LAMA5: variants seen among roughly 807,000 people sequenced by gnomAD.
The protein encoded by LAMA5 is laminin subunit alpha-5.
Under a neutral mutation model 433.4 loss-of-function variants are expected in LAMA5, and 260 were observed. The observed-to-expected ratio is 0.60, with a 90% confidence interval of 0.54 to 0.66. The LOEUF is 0.66. LAMA5 is among the 30% of genes least tolerant of loss of function. LAMA5 has a pLI of 0.00. For synonymous variants in LAMA5, 2,620 were observed against 2,226.6 expected (o/e 1.18, Z -4.97); for missense variants, 5,378 against 5,258.5 (o/e 1.02, Z -0.70).
chr20:62,319,028 T>C lies in LAMA5; in HGVS notation c.6872-15A>G, dbSNP rs765278471. Reference sequence around the variant, plus strand: ...GGACATGAGCTCTGTGGGGCAGGGGTTCGTCAGAGCCTGGGGCCGCCCGTA... The same window carrying C: ...GGACATGAGCTCTGTGGGGCAGGGGCTCGTCAGAGCCTGGGGCCGCCCGTA... On this transcript the variant is annotated splice_polypyrimidine_tract_variant and intron_variant, in intron 51 of 79. Transcript: ENST00000252999. 4 of 1,548,540 alleles carry C rather than the reference T, an allele frequency of 2.6e-6. No homozygotes were observed. Among genetic ancestry groups the C allele is most frequent in the South Asian group, 2.4e-5 (2 of 83,700 alleles).
chr20:62,319,565 C>T (rs1987439293), intron 51 of LAMA5, 119 bp downstream of exon 51: 2 of 694,330 alleles, frequency 2.9e-6, no homozygotes, highest in Admixed American at 2.5e-5. Context: ...GGCGTCGTCT[C>T]CCATCTAAAA....
At chr20:62,315,007 C>T (rs1568901038) in intron 59 of LAMA5, 21 bp downstream of exon 59, 2 of 1,578,892 alleles carry the variant, frequency 1.3e-6, no homozygotes, top group Non-Finnish European at 1.7e-6. Flanking sequence ...ATCAGGGGCA[C>T]CGCGAGGGCC....
chr20:62,330,336 C>T (rs772740243), intron 31 of LAMA5, 152 bp downstream of exon 31: 210 of 1,163,152 alleles, frequency 1.8e-4, no homozygotes, highest in Non-Finnish European at 2.2e-4. Context: ...GTAGGGGCTG[C>T]GGGCTGCAAG....
chr20:62,348,799 G>A (rs1983754062), intron 6 of LAMA5, among the ~76,000 whole-genome samples: 1 of 152,086 alleles, frequency 6.6e-6, no homozygotes, highest in South Asian at 2.1e-4. Context: ...TTAGTGAAGT[G>A]GAAGAGGAGC....
At chr20:62,339,401 C>T (rs4925377) in intron 11 of LAMA5, among the ~76,000 whole-genome samples, 2 of 151,994 alleles carry the variant, frequency 1.3e-5, no homozygotes, top group African/African-American at 2.4e-5. Context: ...CCACGCCCGG[C>T]TAATTTTTGT....
At position 62,327,604 on chromosome 20, in the gene LAMA5, G is replaced by A. The variant is rs1398553678; in HGVS notation, c.4863C>T (p.Asn1621=). The A allele has an allele frequency of 3.1e-6, 5 of 1,613,076 alleles. No individual in the cohort carries two copies. Among genetic ancestry groups the A allele is most frequent in the Non-Finnish European group, 4.2e-6 (5 of 1,180,024 alleles). Residue 1621 remains asparagine (N), a synonymous_variant, in exon 37 of 80, where the codon AAC becomes AAT. Transcript: ENST00000252999. The part of the protein sequence containing the change: ...SLGTFSLDAA[N]PKGCTRCFCF... ...AGAAGCAGCGGGTGCAACCTTTGGG[G>A]TTGGCAGCATCCAGTGAGAAGGTCC...
At chr20:62,309,646 A>AGGGGGT in intron 79 of LAMA5, 70 bp downstream of exon 79, 12 of 271,116 alleles carry the variant, frequency 4.4e-5, no homozygotes, top group Non-Finnish European at 6.7e-5. Flanking sequence ...GGGTGGGGGG[A>AGGGGGT]GGGTGGTAGG....
rs147183908 is a variant in LAMA5, at chr20:62,313,160, G to C, written c.8883C>G (p.Ser2961Arg). 6.2e-7 allele frequency: 1 copy of C among 1,601,396 alleles called. No individual in the cohort carries two copies. Among genetic ancestry groups the C allele is most frequent in the East Asian group, 2.2e-5 (1 of 44,446 alleles). ...GCTCCTGCTCGAAGCGCTTGGTGGT[G>C]CTGATCTGACTGTCGAAGCTGATGC... ...FARISFDSQI[S>R]TTKRFEQELR... The change falls in exon 65 of 80, where the codon AGC becomes AGG. Residue 2961 changes from serine to arginine, a missense_variant. Ser to Arg is a moderately radical substitution (Grantham distance 110). Coordinates refer to ENST00000252999, the MANE Select transcript of LAMA5 (RefSeq NM_005560.6).
At position 62,327,997 on chromosome 20, in the gene LAMA5, C is replaced by T. The variant is rs760311267; in HGVS notation, c.4666G>A (p.Val1556Met). The T allele has an allele frequency of 7.4e-6, 12 of 1,611,846 alleles. 1 individual carries two copies. The highest frequency in any genetic ancestry group is 5.0e-5 in the Admixed American group (3 of 59,986). The change falls in exon 36 of 80, where the codon GTG becomes ATG. Residue 1556 changes from valine (V) to methionine (M), a missense_variant. Transcript: ENST00000252999. ...DSGQCKCRPN[V>M]TGRRCDTCSP... ...CAGGTATCACAGCGGCGCCCAGTCA[C>T]GTTGGGTCTGCACCTGTGGCAGGGG...
chr20:62,333,040 G>A (rs759337786), intron 26 of LAMA5, 50 bp downstream of exon 26: 1 of 1,425,358 alleles, frequency 7.0e-7, no homozygotes, highest in African/African-American at 1.5e-5. Context: ...CCAGCCCCCA[G>A]GCCAAGGTCC....
chr20:62,330,043 C>A (rs1268638349), intron 31 of LAMA5, 127 bp from the exon 32 acceptor site: 5 of 1,358,986 alleles, frequency 3.7e-6, no homozygotes, highest in South Asian at 2.9e-5. Context: ...AGGCACGGGA[C>A]GTGCCCAAGA....
intron 31 of LAMA5, among the ~76,000 whole-genome samples, 164 bp downstream of exon 31, chr20:62,330,324 G>C (rs886730811): frequency 6.6e-6 from 1 of 152,242 alleles, no homozygotes; most frequent in Non-Finnish European, 1.5e-5. Flanking sequence ...GGGAGCGGGC[G>C]GGTAGGGGCT....
rs575784822 is a variant in LAMA5, at chr20:62,357,342, C to T, written c.451-4091G>A. Among the ~76,000 whole-genome samples the T allele has an allele frequency of 7.9e-5, 12 of 152,294 alleles. No individual in the cohort carries two copies. In the East Asian group the frequency reaches 1.5e-3, roughly 20 times the overall value. ...AAAGCCCCTCCTAGCCCCAGGCGTC[C>T]GGGCCAGCACCCTGATCGCACTGCT... is the stretch of plus-strand genomic sequence containing the variant. On this transcript the variant is annotated intron_variant, in intron 2 of 79. Transcript: ENST00000252999.
chr20:62,310,090 G>A lies in LAMA5; in HGVS notation c.10735-9C>T, dbSNP rs1601263497. The A allele has an allele frequency of 6.2e-7, 1 of 1,611,028 alleles. No homozygotes were observed. The highest frequency in any genetic ancestry group is 1.1e-5 in the South Asian group (1 of 91,050). On this transcript the variant is annotated splice_polypyrimidine_tract_variant and intron_variant, in intron 77 of 79. Transcript: ENST00000252999. ...TCCGCCCGCAGCAGGACCTGGCGGGGTAGGAAGGGAGGGTCAGGCTATGCC... is the reference window on the plus strand; with the variant it reads ...TCCGCCCGCAGCAGGACCTGGCGGGATAGGAAGGGAGGGTCAGGCTATGCC...
At position 62,309,253 on chromosome 20, in the gene LAMA5, C is replaced by CAAAT. The variant is rs1484387483; in HGVS notation, c.*79_*82dup. 7.0e-5 allele frequency: 96 copies of CAAAT among 1,376,790 alleles called. No homozygotes were observed. Among genetic ancestry groups the CAAAT allele is most frequent in the Non-Finnish European group, 9.0e-5 (91 of 1,015,714 alleles). 85.3% of individuals were successfully genotyped at this position (1,376,790 alleles called of 1,614,324 possible). A position where few individuals can be genotyped will look rare whatever the true frequency, so the allele number is the denominator to read the frequency against. ...TCTGTCACCCGTAGAGCTTAGAGTC[C>CAAAT]AAATAGACACCTATGAGGCGAGCAC... is the stretch of plus-strand genomic sequence containing the variant. On this transcript the variant is annotated 3_prime_UTR_variant, in exon 80 of 80. Coordinates refer to ENST00000252999, the MANE Select transcript of LAMA5 (RefSeq NM_005560.6).
At chr20:62,352,888 G>A in intron 3 of LAMA5, 1 of 475,406 alleles carries the variant, frequency 2.1e-6, no homozygotes, top group South Asian at 3.0e-5. Context: ...CCATCCAGAG[G>A]CAGCCAAGAG....
chr20:62,333,052 G>A (rs889668320), intron 26 of LAMA5, 38 bp downstream of exon 26: 53 of 1,455,346 alleles, frequency 3.6e-5, no homozygotes, highest in Non-Finnish European at 4.7e-5. Context: ...CCAAGGTCCT[G>A]CAACACCCAT....
In LAMA5 at chr20:62,324,074, G is replaced by C; in HGVS notation, c.5768+6C>G. 1 of 1,505,048 alleles carries C rather than the reference G, an allele frequency of 6.6e-7. No homozygotes were observed. The highest frequency in any genetic ancestry group is 1.4e-5 in the African/African-American group (1 of 71,060). The allele number at this position is 1,505,048 out of a possible 1,614,324, so 93.2% of individuals were successfully genotyped here. A position where few individuals can be genotyped will look rare whatever the true frequency, so the allele number is the denominator to read the frequency against. On this transcript the variant is annotated splice_donor_region_variant and intron_variant, in intron 43 of 79. Transcript: ENST00000252999. The surrounding 1 kb of genome is among the most constrained non-coding windows in gnomAD (Gnocchi z 4.4). ...AGGGCCTCGTCCCGGGAGGAGGCTG[G>C]CTTACTTGTTGGAAGGCACTGAGAG... is the stretch of plus-strand genomic sequence containing the variant.
At position 62,322,715 on chromosome 20, in the gene LAMA5, G is replaced by A. The variant is rs1237732427; in HGVS notation, c.6108C>T (p.His2036=). The A allele has an allele frequency of 3.2e-6, 5 of 1,543,826 alleles. No homozygotes were observed. Among genetic ancestry groups the A allele is most frequent in the East Asian group, 4.8e-5 (2 of 41,242 alleles). The change falls in exon 46 of 80, where the codon CAC becomes CAT. Residue 2036 remains histidine, a synonymous_variant. Transcript: ENST00000252999. ...CCGCCTTGCACAGGCAGTGCCCGCT[G>A]TGGGGGTCGCAGGCCTCTGTCCCAC... ...TPCGTEACDP[H]SGHCLCKAGV...
Sources: allele counts gnomAD v4.1 joint callset (sites outside exome capture counted in the v4.1 genomes callset), GRCh38; gene constraint gnomAD v4.1.1; non-coding constraint Gnocchi (gnomAD v3.1); transcripts MANE v1.5; gene names NCBI Gene and HGNC (gene_info 2026-07-23, HGNC 2026-07-21).